The following FDFT1 variants were observed in gnomAD, a reference collection of about 807,000 sequenced individuals.
FDFT1 encodes the protein farnesyl-diphosphate farnesyltransferase 1, also known as squalene synthase.
In FDFT1, 68 loss-of-function variants were observed where a neutral mutation model predicts 46.8. The observed-to-expected ratio is 1.45, with a 90% CI of 1.19 to 1.78. The LOEUF (loss-of-function observed/expected upper bound fraction) is 1.78, where lower values mean the gene tolerates loss of function less well. Ranked by LOEUF, FDFT1 falls within the 40% of genes most tolerant of loss-of-function variation. The pLI, the probability that FDFT1 is intolerant of heterozygous loss-of-function variation, is 0.00. For missense variants in FDFT1, 928 were observed against 524.4 expected, an observed-to-expected ratio of 1.77 and a Z score of -7.52; for synonymous variants, 351 against 185.1, an observed-to-expected ratio of 1.90 and a Z score of -7.28.
intron 1 of FDFT1, among the ~76,000 whole-genome samples, chr8:11,804,253 A>G (rs1279645017): frequency 6.6e-6 from 1 of 152,258 alleles, no homozygotes; most frequent in Non-Finnish European, 1.5e-5. Context: ...GTCAGACCTC[A>G]TTTGGGTCCA....
At chr8:11,808,139 A>C in intron 1 of FDFT1, 1 of 503,172 alleles carries the variant, frequency 2.0e-6, no homozygotes, top group Non-Finnish European at 2.6e-6. Context: ...ATTTAGCAGG[A>C]TTCTTGGTAA....
intron 2 of FDFT1, chr8:11,809,269 A>G: frequency 2.7e-6 from 3 of 1,111,606 alleles, no homozygotes; most frequent in South Asian, 5.8e-5. Context: ...CATTACACCC[A>G]TGAACTTAGA....
intron 3 of FDFT1, among the ~76,000 whole-genome samples, chr8:11,815,039 C>A (rs1308207744): frequency 6.6e-6 from 1 of 152,068 alleles, no homozygotes; most frequent in Non-Finnish European, 1.5e-5. Flanking sequence ...CCACAACAGG[C>A]CCCGGTATGT....
At chr8:11,834,187 C>T (rs1345024181) in intron 7 of FDFT1, among the ~76,000 whole-genome samples, 1 of 152,190 alleles carries the variant, frequency 6.6e-6, no homozygotes, top group African/African-American at 2.4e-5. Flanking sequence ...GCCAGAGGAC[C>T]TCCTCATGCT....
At chr8:11,829,333 C>G (rs142150376) in intron 5 of FDFT1, among the ~76,000 whole-genome samples, 113 of 152,262 alleles carry the variant, frequency 7.4e-4, no homozygotes, top group African/African-American at 2.5e-3. Context: ...TCAGAGAATC[C>G]TCTAAATAAT....
chr8:11,827,667 A>T (rs1736063), intron 5 of FDFT1, among the ~76,000 whole-genome samples: 148,616 of 152,252 alleles, frequency 0.98, 72,635 homozygotes, highest in East Asian at 1. Context: ...AGAACAAGAT[A>T]GTTCACAGGA....
intron 4 of FDFT1, among the ~76,000 whole-genome samples, chr8:11,824,177 C>T (rs537413602): frequency 1.3e-5 from 2 of 152,260 alleles, no homozygotes; most frequent in Admixed American, 6.5e-5. Flanking sequence ...TTTACCCTTC[C>T]TAATGACACT....
chr8:11,803,476 G>C, intron 1 of FDFT1: 5 of 1,265,548 alleles, frequency 4.0e-6, no homozygotes, highest in Non-Finnish European at 5.1e-6. Flanking sequence ...AAGTTCCAAT[G>C]AGTTATCTAA....
intron 3 of FDFT1, among the ~76,000 whole-genome samples, chr8:11,816,342 G>A (rs1251483908): frequency 6.6e-6 from 1 of 152,188 alleles, no homozygotes; most frequent in African/African-American, 2.4e-5. Context: ...GATTGTCTTG[G>A]CTATGCAGGC....
At chr8:11,819,064 TGAGCATTTG>T (rs1214743840) in intron 3 of FDFT1, among the ~76,000 whole-genome samples, 2 of 152,226 alleles carry the variant, frequency 1.3e-5, no homozygotes, top group Non-Finnish European at 2.9e-5. Flanking sequence ...ACAAAATCTC[TGAGCATTTG>T]CTTGTCTGTA....
At chr8:11,817,353 G>C (rs1468988853) in intron 3 of FDFT1, among the ~76,000 whole-genome samples, 2 of 152,208 alleles carry the variant, frequency 1.3e-5, no homozygotes, top group Non-Finnish European at 2.9e-5. Flanking sequence ...TTGTCTGCCA[G>C]GCTTTGGTAT....
chr8:11,802,376 G>A (rs909684499), upstream of FDFT1: 3 of 452,824 alleles, frequency 6.6e-6, no homozygotes, highest in East Asian at 7.0e-5. Context: ...TCCCGACTGC[G>A]GACCACCGTT....
At chr8:11,816,834 CT>C (rs1808529288) in intron 3 of FDFT1, among the ~76,000 whole-genome samples, 1 of 152,206 alleles carries the variant, frequency 6.6e-6, no homozygotes, top group Admixed American at 6.5e-5. Flanking sequence ...TTTACTTCCT[CT>C]TTTCCTAATT....
chr8:11,835,359 G>A (rs1266546091), intron 7 of FDFT1, among the ~76,000 whole-genome samples: 3 of 152,170 alleles, frequency 2.0e-5, no homozygotes, highest in African/African-American at 7.2e-5. Context: ...TCTGTTTTAG[G>A]TAAGTCCACG....
chr8:11,835,492 T>G (rs1811411285), intron 7 of FDFT1, among the ~76,000 whole-genome samples: 1 of 152,198 alleles, frequency 6.6e-6, no homozygotes, highest in South Asian at 2.1e-4. Flanking sequence ...ACAACCAAGA[T>G]TTCTCTTAAT....
Position 11,838,708 on chromosome 8 carries a change from T to C in FDFT1, c.*99T>C, listed in dbSNP as rs1811914713. 2 of 956,736 alleles carry C rather than the reference T, an allele frequency of 2.1e-6. No homozygotes were observed. Among genetic ancestry groups the C allele is most frequent in the Non-Finnish European group, 3.3e-6 (2 of 603,866 alleles). The allele number at this position is 956,736 out of a possible 1,614,324, so 59.3% of individuals were successfully genotyped here. On this transcript the variant is annotated 3_prime_UTR_variant, in exon 8 of 8. Transcript: ENST00000220584. ...TCTCTTTATTTTTTTCCTACTACTTTAATCCCTAAAAGAACGCTGTGTGGC... is the reference window on the plus strand; with the variant it reads ...TCTCTTTATTTTTTTCCTACTACTTCAATCCCTAAAAGAACGCTGTGTGGC...
rs1209742723 is a variant in FDFT1 at position 11,838,975 on chromosome 8, T to A, written c.*366T>A. 2 of 204,942 alleles carry A rather than the reference T, an allele frequency of 9.8e-6. No individual in the cohort carries two copies. The highest frequency in any genetic ancestry group is 2.0e-5 in the Non-Finnish European group (2 of 100,044). The allele number at this position is 204,942 out of a possible 1,614,324, so 12.7% of individuals were successfully genotyped here. A position where few individuals can be genotyped will look rare whatever the true frequency, so the allele number is the denominator to read the frequency against. ...TATTTAATTTGAAGCACCATTTGAATGTTCGTAATAGTAGAAAATGATGTG... is the reference window on the plus strand; with the variant it reads ...TATTTAATTTGAAGCACCATTTGAAAGTTCGTAATAGTAGAAAATGATGTG... On this transcript the variant is annotated 3_prime_UTR_variant, in exon 8 of 8. Coordinates refer to ENST00000220584, the MANE Select transcript of FDFT1 (RefSeq NM_004462.5).
chr8:11,810,893 A>G (rs1027942462), intron 3 of FDFT1, among the ~76,000 whole-genome samples: 2 of 151,152 alleles, frequency 1.3e-5, no homozygotes, highest in East Asian at 3.9e-4. Flanking sequence ...CCACCCAAAC[A>G]AAAGAATCTT....
chr8:11,803,215 G>T, intron 1 of FDFT1: 1 of 1,401,272 alleles, frequency 7.1e-7, no homozygotes, highest in Non-Finnish European at 9.4e-7. Flanking sequence ...CGTGAGCATC[G>T]GCGCTTACCG....
Sources: gnomAD v4.1 joint callset for allele counts (sites outside exome capture counted in the v4.1 genomes callset) on GRCh38, gnomAD v4.1.1 for gene constraint, MANE v1.5 for transcripts, NCBI Gene and HGNC (gene_info 2026-07-23, HGNC 2026-07-21) for gene names.